The following PRPSAP1 variants were observed in gnomAD, a reference collection of about 807,000 sequenced individuals.
PRPSAP1 encodes the protein phosphoribosyl pyrophosphate synthase-associated protein 1.
Under a neutral mutation model 39.4 loss-of-function variants are expected in PRPSAP1, and 31 were observed. The observed-to-expected ratio is 0.79, with a 90% CI of 0.59 to 1.06. PRPSAP1 has a LOEUF of 1.06. Among genes scored for constraint, PRPSAP1 ranks in the 50% least tolerant of loss-of-function variants. The pLI is 0.00. For synonymous variants in PRPSAP1, 212 were observed against 192.6 expected (o/e 1.10, Z -0.83); for missense variants, 430 against 511.6 (o/e 0.84, Z 1.54).
Position 76,330,098 on chromosome 17 carries a change from T to A in PRPSAP1, c.580A>T (p.Ile194Phe), listed in dbSNP as rs1480478981. ...ATGACTGCATTTCTGTAATTTGGAA[T>A]CTAGATTTGAAGGAAAAATAGAAAA... ...PFLLQYIQEE[I>F]PNYRNAVIVA... is the part of the protein sequence containing the mutation. Residue 194 changes from isoleucine to phenylalanine, a missense_variant and splice_region_variant, in exon 6 of 10, where the codon ATT becomes TTT. Ile to Phe is a conservative substitution (Grantham distance 21). Coordinates refer to ENST00000446526, the MANE Select transcript of PRPSAP1 (RefSeq NM_002766.3). 6.2e-7 allele frequency: 1 copy of A among 1,612,130 alleles called. No homozygotes were observed. The highest frequency in any genetic ancestry group is 2.2e-5 in the East Asian group (1 of 44,880).
At chr17:76,342,284 CAA>C (rs1342539880) in intron 3 of PRPSAP1, among the ~76,000 whole-genome samples, 3 of 152,134 alleles carry the variant, frequency 2.0e-5, no homozygotes, top group Non-Finnish European at 4.4e-5. Context: ...AGCAGGAAGA[CAA>C]GACAACAGGA....
intron 7 of PRPSAP1, among the ~76,000 whole-genome samples, chr17:76,322,432 G>C (rs926573980): frequency 6.6e-6 from 1 of 152,156 alleles, no homozygotes; most frequent in African/African-American, 2.4e-5. Flanking sequence ...TCTTTCGACA[G>C]CTCTGATGGA....
At chr17:76,352,644 C>CAAAAAA (rs55986677) in intron 1 of PRPSAP1, among the ~76,000 whole-genome samples, 106 of 52,964 alleles carry the variant, frequency 2.0e-3, no homozygotes, top group East Asian at 3.0e-3. Context: ...GACTCCGTCT[C>CAAAAAA]AAAAAAAAAA....
rs1280765468 is a variant in PRPSAP1 at position 76,311,449 on chromosome 17, GA to G, written c.*92del. ...AAGATATCTAACTCCAGGCTGTTTC[GA>G]GTCCTCCCTTGCAAGGAAACACTGT... On this transcript the variant is annotated 3_prime_UTR_variant, in exon 10 of 10. Transcript: ENST00000446526. The G allele has an allele frequency of 1.4e-6, 2 of 1,390,144 alleles. No individual in the cohort carries two copies. The highest frequency in any genetic ancestry group is 1.9e-6 in the Non-Finnish European group (2 of 1,033,390). 86.1% of individuals were successfully genotyped at this position (1,390,144 alleles called of 1,614,324 possible).
intron 7 of PRPSAP1, among the ~76,000 whole-genome samples, chr17:76,320,282 A>G (rs1598519823): frequency 1.4e-4 from 1 of 7,268 alleles, no homozygotes; most frequent in East Asian, 1.3e-3. Context: ...AGAAAGAAAG[A>G]AAAGAAAGAA....
At chr17:76,330,417 G>A in intron 5 of PRPSAP1, 134 bp downstream of exon 5, 1 of 685,346 alleles carries the variant, frequency 1.5e-6, no homozygotes, top group South Asian at 2.0e-5. Flanking sequence ...AGCTGACCCT[G>A]TCTGCTGCCT....
intron 7 of PRPSAP1, among the ~76,000 whole-genome samples, chr17:76,315,020 A>C (rs1035243715): frequency 1.3e-5 from 2 of 152,220 alleles, no homozygotes; most frequent in Non-Finnish European, 2.9e-5. Context: ...CCTTACTATC[A>C]GATAACTGCA....
chr17:76,352,326 G>A (rs2071584073), intron 1 of PRPSAP1, among the ~76,000 whole-genome samples: 1 of 152,090 alleles, frequency 6.6e-6, no homozygotes, highest in Non-Finnish European at 1.5e-5. Flanking sequence ...CAGAGCTCTG[G>A]GATTCTCCAA....
intron 2 of PRPSAP1, among the ~76,000 whole-genome samples, chr17:76,345,006 T>C (rs1030868895): frequency 6.6e-6 from 1 of 151,198 alleles, no homozygotes; most frequent in Non-Finnish European, 1.5e-5. Flanking sequence ...GAGGCCGAGG[T>C]GGGCAGATCA....
rs545574563 is a variant in PRPSAP1, at chr17:76,349,100, C to G, written c.171-519G>C. Among the ~76,000 whole-genome samples the G allele has an allele frequency of 1.2e-4, 18 of 152,076 alleles. No individual in the cohort carries two copies. The South Asian group carries it at 3.7e-3, about 32-fold the overall frequency. On this transcript the variant is annotated intron_variant, in intron 1 of 9. Coordinates refer to ENST00000446526, the MANE Select transcript of PRPSAP1 (RefSeq NM_002766.3). ...CCAAGGCGGGCGGATCACCTGAGGTCGGGAGTTTGAGACCAGCCTGACCAA... is the reference window on the plus strand; with the variant it reads ...CCAAGGCGGGCGGATCACCTGAGGTGGGGAGTTTGAGACCAGCCTGACCAA...
chr17:76,320,309 A>G (rs1402988900), intron 7 of PRPSAP1, among the ~76,000 whole-genome samples: 5 of 108,632 alleles, frequency 4.6e-5, no homozygotes, highest in Admixed American at 1.8e-4. Flanking sequence ...AAAAGAAAGG[A>G]AGGGAGGAAG....
At position 76,341,705 on chromosome 17, in the gene PRPSAP1, C is replaced by T. The variant is rs573218153; in HGVS notation, c.290+2966G>A. Among the ~76,000 whole-genome samples the T allele has an allele frequency of 2.5e-3, 386 of 152,196 alleles. 1 individual carries two copies. The highest frequency in any genetic ancestry group is 8.5e-3 in the African/African-American group (354 of 41,522). On this transcript the variant is annotated intron_variant, in intron 3 of 9. Transcript: ENST00000446526. The stretch of plus-strand genomic sequence containing the variant: ...CTATAATCCCAGCACTTTGGGAGGC[C>T]GAGGCAGGCGGATCACGAGGTTAGG...
At chr17:76,342,683 A>G (rs1435545119) in intron 3 of PRPSAP1, among the ~76,000 whole-genome samples, 2 of 151,466 alleles carry the variant, frequency 1.3e-5, no homozygotes, top group African/African-American at 4.9e-5. Flanking sequence ...GTGTCACTGC[A>G]TTCCTGCATG....
intron 3 of PRPSAP1, among the ~76,000 whole-genome samples, chr17:76,335,129 G>C (rs1473912620): frequency 2.6e-5 from 4 of 151,884 alleles, no homozygotes; most frequent in Non-Finnish European, 5.9e-5. Flanking sequence ...TTTCTGTTTT[G>C]TAAGAGGCAG....
chr17:76,344,501 G>A (rs1410259394), intron 3 of PRPSAP1, among the ~76,000 whole-genome samples, 170 bp downstream of exon 3: 2 of 152,074 alleles, frequency 1.3e-5, no homozygotes, highest in Admixed American at 6.6e-5. Flanking sequence ...TCCTGACCTC[G>A]TGATCCGCCC....
At chr17:76,353,392 C>A (rs2071601234) in intron 1 of PRPSAP1, 142 bp downstream of exon 1, 2 of 867,982 alleles carry the variant, frequency 2.3e-6, no homozygotes, top group Admixed American at 4.0e-5. Context: ...CCGTCACCTC[C>A]AAGCTTTGTC....
rs71161279 is a variant in PRPSAP1, at chr17:76,315,700, CTTTTTTTTTTTTT to C, written c.782-1822_782-1810del. 3.1e-3 allele frequency among the ~76,000 whole-genome samples: 228 copies of C among 72,680 alleles called. 2 individuals carry two copies. Among genetic ancestry groups the C allele is most frequent in the Admixed American group, 0.029 (169 of 5,866 alleles). 47.7% of individuals were successfully genotyped at this position (72,680 alleles called of 152,430 possible). On this transcript the variant is annotated intron_variant, in intron 7 of 9. Coordinates refer to ENST00000446526, the MANE Select transcript of PRPSAP1 (RefSeq NM_002766.3). ...ACACGCAGTTATGTTGACCTATCCGCTTTTTTTTTTTTTTTTTTTTTTTTTTTTTCTTGAGACA... is the reference window on the plus strand; with the variant it reads ...ACACGCAGTTATGTTGACCTATCCGCTTTTTTTTTTTTTTTTCTTGAGACA...
chr17:76,339,492 A>G (rs755038751), intron 3 of PRPSAP1, among the ~76,000 whole-genome samples: 3 of 151,696 alleles, frequency 2.0e-5, no homozygotes, highest in Non-Finnish European at 4.4e-5. Context: ...AACACATCCA[A>G]CCTGTCTTTT....
At chr17:76,352,644 C>CAAAAAAAAAAAAAAAAAAAAAAAAAA (rs55986677) in intron 1 of PRPSAP1, among the ~76,000 whole-genome samples, 1 of 53,586 alleles carries the variant, frequency 1.9e-5, no homozygotes, top group Admixed American at 2.4e-4. Context: ...GACTCCGTCT[C>CAAAAAAAAAAAAAAAAAAAAAAAAAA]AAAAAAAAAA....
Sources: allele counts gnomAD v4.1 joint callset (sites outside exome capture counted in the v4.1 genomes callset), GRCh38; gene constraint gnomAD v4.1.1; transcripts MANE v1.5; gene names NCBI Gene and HGNC (gene_info 2026-07-23, HGNC 2026-07-21).